The following PTPRM variants were observed in gnomAD, a reference collection of about 807,000 sequenced individuals.
PTPRM encodes protein tyrosine phosphatase receptor type M.
PTPRM carries 47 observed loss-of-function variants against 186.7 expected under a neutral mutation model. The observed-to-expected ratio is 0.25, with a 90% confidence interval of 0.20 to 0.32. PTPRM has a LOEUF of 0.32. Among genes scored for constraint, PTPRM ranks in the 10% least tolerant of loss-of-function variants. The pLI, the probability that PTPRM is intolerant of heterozygous loss-of-function variation, is 1.00. For missense variants in PTPRM, 1,494 were observed against 1,865.0 expected (o/e 0.80, Z 3.66); for synonymous variants, 668 against 674.9 (o/e 0.99, Z 0.16).
chr18:7,739,696 C>T (rs1352957137), intron 1 of PTPRM, among the ~76,000 whole-genome samples: 3 of 151,812 alleles, frequency 2.0e-5, no homozygotes, highest in Admixed American at 6.5e-5. Context: ...TGCTCATTAC[C>T]GTCTTATGGG....
At chr18:8,257,973 T>A (rs1259195412) in intron 19 of PTPRM, among the ~76,000 whole-genome samples, 1 of 152,190 alleles carries the variant, frequency 6.6e-6, no homozygotes, top group Non-Finnish European at 1.5e-5. Context: ...CAGAGCTCAG[T>A]GCAGGTTTTT....
intron 1 of PTPRM, among the ~76,000 whole-genome samples, chr18:7,711,261 C>T (rs1446211577): frequency 6.6e-6 from 1 of 152,138 alleles, no homozygotes; most frequent in Non-Finnish European, 1.5e-5. Context: ...CCAAGGGAAG[C>T]CATGAGGGAC....
At chr18:7,638,674 T>A (rs149531802) in intron 1 of PTPRM, among the ~76,000 whole-genome samples, 2 of 152,348 alleles carry the variant, frequency 1.3e-5, no homozygotes, top group African/African-American at 4.8e-5. Flanking sequence ...ACAGTTTTAG[T>A]GCATTTGTTA....
chr18:8,231,859 C>T (rs80347365), intron 14 of PTPRM, among the ~76,000 whole-genome samples: 8 of 152,148 alleles, frequency 5.3e-5, no homozygotes, highest in African/African-American at 1.9e-4. Flanking sequence ...CTAACACCCC[C>T]CTGCCAACAC....
At position 8,329,099 on chromosome 18, in the gene PTPRM, G is replaced by C. The variant is rs116782671; in HGVS notation, c.2956+9885G>C. Among the ~76,000 whole-genome samples, 1,231 of 152,306 alleles carry C rather than the reference G, an allele frequency of 8.1e-3. 12 individuals carry two copies. The highest frequency in any genetic ancestry group is 0.028 in the African/African-American group (1,182 of 41,572). ...ATTTGAAAATAAATGATGTCCTGTTGTTAAGCAAGCACTCAGATTTAAGGT... is the reference window on the plus strand; with the variant it reads ...ATTTGAAAATAAATGATGTCCTGTTCTTAAGCAAGCACTCAGATTTAAGGT... On this transcript the variant is annotated intron_variant, in intron 22 of 32. Transcript: ENST00000580170.
At chr18:8,196,708 C>A (rs1292112731) in intron 14 of PTPRM, among the ~76,000 whole-genome samples, 1 of 152,226 alleles carries the variant, frequency 6.6e-6, no homozygotes, top group Non-Finnish European at 1.5e-5. Flanking sequence ...GAGCCCAGCA[C>A]TGACGTTTCT....
In PTPRM at chr18:8,319,161, CT is replaced by C; in HGVS notation, c.2920-13del. 1 of 1,498,600 alleles carries C rather than the reference CT, an allele frequency of 6.7e-7. No individual in the cohort carries two copies. The highest frequency in any genetic ancestry group is 9.2e-7 in the Non-Finnish European group (1 of 1,082,472). 92.8% of individuals were successfully genotyped at this position (1,498,600 alleles called of 1,614,324 possible). On this transcript the variant is annotated splice_polypyrimidine_tract_variant and intron_variant, in intron 21 of 32. Transcript: ENST00000580170. ...CGATTTTATGTTTATCAAATATTCT[CT>C]TTTATTTATTTTTAGGGTTATCATC...
chr18:8,315,036 A>G (rs1410234033), intron 21 of PTPRM, among the ~76,000 whole-genome samples, 179 bp downstream of exon 21: 1 of 152,172 alleles, frequency 6.6e-6, no homozygotes, highest in African/African-American at 2.4e-5. Context: ...TTGGACATAC[A>G]TTGGGCTCAA....
intron 30 of PTPRM, among the ~76,000 whole-genome samples, chr18:8,386,698 C>G (rs1354115039): frequency 6.6e-6 from 1 of 152,188 alleles, no homozygotes; most frequent in East Asian, 1.9e-4. Flanking sequence ...ACACTGAGCT[C>G]AGAGACATTT....
At chr18:8,169,936 G>A (rs1228180619) in intron 14 of PTPRM, among the ~76,000 whole-genome samples, 1 of 152,214 alleles carries the variant, frequency 6.6e-6, no homozygotes, top group African/African-American at 2.4e-5. Flanking sequence ...GCACATATTT[G>A]TTCAAACTAA....
chr18:8,084,133 C>T (rs560258660), intron 9 of PTPRM, among the ~76,000 whole-genome samples: 53 of 152,220 alleles, frequency 3.5e-4, no homozygotes, highest in African/African-American at 1.2e-3. Context: ...GGGGAAGGTA[C>T]GATTCCTAAA....
At position 7,911,846 on chromosome 18, in the gene PTPRM, A is replaced by ATTTTTTTTTTTTTTT. The variant is rs57590269; in HGVS notation, c.547+5273_547+5287dup. 5.0e-4 allele frequency among the ~76,000 whole-genome samples: 40 copies of ATTTTTTTTTTTTTTT among 80,678 alleles called. 3 individuals are homozygous for ATTTTTTTTTTTTTTT. The highest frequency in any genetic ancestry group is 1.0e-3 in the East Asian group (2 of 1,990). The allele number at this position is 80,678 out of a possible 152,430, so 52.9% of individuals were successfully genotyped here. A position where few individuals can be genotyped will look rare whatever the true frequency, so the allele number is the denominator to read the frequency against. ...TTTTTTCCAGAGTTTTATGGTTTCA[A>ATTTTTTTTTTTTTTT]TTTTTTTTTTTTTTTTTTTTTTTTG... On this transcript the variant is annotated intron_variant, in intron 4 of 32. Transcript: ENST00000580170.
chr18:7,950,255 G>A (rs1443395305), intron 6 of PTPRM, among the ~76,000 whole-genome samples: 1 of 152,098 alleles, frequency 6.6e-6, no homozygotes, highest in Non-Finnish European at 1.5e-5. Context: ...AATAAAAAAA[G>A]CTAGCCAGGT....
intron 17 of PTPRM, among the ~76,000 whole-genome samples, chr18:8,250,530 A>C (rs2094518331): frequency 1.3e-5 from 2 of 152,154 alleles, no homozygotes; most frequent in Admixed American, 1.3e-4. Context: ...ATGTAATCCC[A>C]GCACTTTGGG....
intron 1 of PTPRM, among the ~76,000 whole-genome samples, chr18:7,624,607 C>T (rs1178477397): frequency 6.6e-6 from 1 of 151,950 alleles, no homozygotes; most frequent in African/African-American, 2.4e-5. Context: ...TCCCAAGTAG[C>T]TGGGACTGTA....
intron 14 of PTPRM, among the ~76,000 whole-genome samples, chr18:8,169,067 C>G (rs1433959245): frequency 1.3e-5 from 2 of 152,036 alleles, no homozygotes; most frequent in Non-Finnish European, 2.9e-5. Flanking sequence ...TATCACGCTC[C>G]TAGGAGATAG....
intron 8 of PTPRM, among the ~76,000 whole-genome samples, chr18:8,075,536 A>G (rs948771203): frequency 2.0e-5 from 3 of 152,176 alleles, no homozygotes; most frequent in African/African-American, 4.8e-5. Flanking sequence ...CTAAAAAACT[A>G]CATTTAAAAT....
intron 19 of PTPRM, among the ~76,000 whole-genome samples, chr18:8,289,591 CATAT>C (rs1265855457): frequency 8.1e-6 from 1 of 123,824 alleles, no homozygotes; most frequent in Admixed American, 8.2e-5. Context: ...TATATATACA[CATAT>C]ATATATACAC....
At position 8,113,946 on chromosome 18, in the gene PTPRM, CT is replaced by C. The variant is rs35576891; in HGVS notation, c.2130+199del. 7.7e-3 allele frequency among the ~76,000 whole-genome samples: 1,122 copies of C among 146,592 alleles called. 18 individuals carry two copies. Among genetic ancestry groups the C allele is most frequent in the African/African-American group, 0.024 (963 of 40,304 alleles). The stretch of plus-strand genomic sequence containing the variant: ...TATGGAAAGAAACAAATATACTCAT[CT>C]TTTTTTTTTTTGATTGGGGGAGTTT... On this transcript the variant is annotated intron_variant, in intron 12 of 32. Coordinates refer to ENST00000580170, the MANE Select transcript of PTPRM (RefSeq NM_001105244.2).
Sources: gnomAD v4.1 joint callset for allele counts (sites outside exome capture counted in the v4.1 genomes callset) on GRCh38, gnomAD v4.1.1 for gene constraint, MANE v1.5 for transcripts, NCBI Gene and HGNC (gene_info 2026-07-23, HGNC 2026-07-21) for gene names.